The following SLC44A5 variants were observed in gnomAD, a reference collection of about 807,000 sequenced individuals.
SLC44A5 encodes choline transporter-like protein 5.
Under a neutral mutation model 101.8 loss-of-function variants are expected in SLC44A5, and 57 were observed. That is an observed-to-expected ratio of 0.56 (90% CI 0.45 to 0.70). The LOEUF (loss-of-function observed/expected upper bound fraction) is 0.70. SLC44A5 is among the 30% of genes least tolerant of loss of function. The pLI, the probability that SLC44A5 is intolerant of heterozygous loss-of-function variation, is 0.00. For missense variants in SLC44A5, 737 were observed against 853.1 expected, an observed-to-expected ratio of 0.86 and a Z score of 1.70; for synonymous variants, 281 against 290.9, an observed-to-expected ratio of 0.97 and a Z score of 0.35.
At chr1:75,397,502 G>A (rs1375631474) in intron 2 of SLC44A5, among the ~76,000 whole-genome samples, 2 of 152,068 alleles carry the variant, frequency 1.3e-5, no homozygotes, top group Admixed American at 6.6e-5. Context: ...CAGGGAAAGC[G>A]AACATTTGTA....
intron 4 of SLC44A5, among the ~76,000 whole-genome samples, chr1:75,314,720 T>C (rs1655559710): frequency 6.6e-6 from 1 of 152,190 alleles, no homozygotes; most frequent in South Asian, 2.1e-4. Context: ...CCATCCCTGA[T>C]TCTTGATCAT....
intron 2 of SLC44A5, among the ~76,000 whole-genome samples, chr1:75,433,070 T>C (rs1446552936): frequency 6.6e-6 from 1 of 152,152 alleles, no homozygotes; most frequent in African/African-American, 2.4e-5. Context: ...CTTTTTCTTC[T>C]GCTATAGTTT....
chr1:75,584,227 G>A (rs1461090426), intron 1 of SLC44A5, among the ~76,000 whole-genome samples: 4 of 152,204 alleles, frequency 2.6e-5, no homozygotes, highest in African/African-American at 4.8e-5. Context: ...AGTCTATGTG[G>A]AAATGGTGTA....
intron 2 of SLC44A5, among the ~76,000 whole-genome samples, chr1:75,466,439 G>C (rs911263063): frequency 1.3e-5 from 2 of 151,840 alleles, no homozygotes; most frequent in African/African-American, 4.8e-5. Flanking sequence ...GGCGGATCAC[G>C]AGGTCAGGAG....
intron 3 of SLC44A5, among the ~76,000 whole-genome samples, chr1:75,376,398 A>C (rs1660613452): frequency 6.6e-6 from 1 of 152,156 alleles, no homozygotes; most frequent in Admixed American, 6.5e-5. Context: ...ACAGACAAAC[A>C]AAAAGACAGC....
At chr1:75,356,863 A>G (rs1659120710) in intron 3 of SLC44A5, among the ~76,000 whole-genome samples, 1 of 152,220 alleles carries the variant, frequency 6.6e-6, no homozygotes, top group Non-Finnish European at 1.5e-5. Flanking sequence ...AATTGCCTAC[A>G]GTATTCAGTA....
rs553084768 is a variant in SLC44A5 at position 75,367,398 on chromosome 1, G to A, written c.53-27768C>T. Among the ~76,000 whole-genome samples the A allele has an allele frequency of 2.1e-3, 319 of 152,292 alleles. 1 individual carries two copies. Among genetic ancestry groups the A allele is most frequent in the African/African-American group, 2.5e-3 (103 of 41,568 alleles). On this transcript the variant is annotated intron_variant, in intron 3 of 23. Transcript: ENST00000370859. ...TACCTTGGTCAGTAAAGTTGTCATC[G>A]AGACAAGGATCATATGCTTCAGGAT...
intron 5 of SLC44A5, among the ~76,000 whole-genome samples, chr1:75,290,281 G>A (rs917563940): frequency 6.6e-6 from 1 of 152,178 alleles, no homozygotes; most frequent in Admixed American, 6.5e-5. Flanking sequence ...TCGAGGCTGG[G>A]GAGCTGTTTT....
At position 75,203,658 on chromosome 1, in the gene SLC44A5, C is replaced by A; in HGVS notation, c.*69G>T. ...TGCTAAACACAAAGCACTTATGAAACAAATGTTGCACAGACACAGCAGATG... is the reference window on the plus strand; with the variant it reads ...TGCTAAACACAAAGCACTTATGAAAAAAATGTTGCACAGACACAGCAGATG... On this transcript the variant is annotated 3_prime_UTR_variant, in exon 24 of 24. Coordinates refer to ENST00000370859, the MANE Select transcript of SLC44A5 (RefSeq NM_001130058.2). 6.8e-7 allele frequency: 1 copy of A among 1,479,418 alleles called. No homozygotes were observed. Among genetic ancestry groups the A allele is most frequent in the South Asian group, 1.4e-5 (1 of 70,862 alleles). The allele number at this position is 1,479,418 out of a possible 1,614,324, so 91.6% of individuals were successfully genotyped here. A position where few individuals can be genotyped will look rare whatever the true frequency, so the allele number is the denominator to read the frequency against.
chr1:75,263,195 C>T (rs1449504668), intron 6 of SLC44A5, among the ~76,000 whole-genome samples: 2 of 152,140 alleles, frequency 1.3e-5, no homozygotes, highest in African/African-American at 4.8e-5. Flanking sequence ...GAACAAGCAA[C>T]CGACAGAATG....
At chr1:75,668,805 G>A in the SLC44A5 span, among the ~76,000 whole-genome samples, 3 of 151,348 alleles carry the variant, frequency 2.0e-5, no homozygotes, top group Non-Finnish European at 4.4e-5. Flanking sequence ...GACCAGCCTG[G>A]CCAACATGGC....
intron 2 of SLC44A5, among the ~76,000 whole-genome samples, chr1:75,464,693 T>C (rs557773793): frequency 2.0e-5 from 3 of 152,124 alleles, no homozygotes; most frequent in East Asian, 1.9e-4. Flanking sequence ...GGAAAAGATA[T>C]CCCATGCTAT....
the SLC44A5 span, among the ~76,000 whole-genome samples, chr1:75,715,158 T>C: frequency 2.6e-5 from 4 of 151,678 alleles, no homozygotes; most frequent in South Asian, 2.1e-4. Context: ...CACAGAAAAA[T>C]AGAAAAACAT....
intron 13 of SLC44A5, among the ~76,000 whole-genome samples, chr1:75,226,258 A>T (rs1389682563): frequency 1.3e-5 from 2 of 151,588 alleles, no homozygotes; most frequent in African/African-American, 4.8e-5. Flanking sequence ...TTTTTTTTTT[A>T]AGAGAAAAAC....
the SLC44A5 span, among the ~76,000 whole-genome samples, chr1:75,645,565 C>T: frequency 6.6e-6 from 1 of 151,642 alleles, no homozygotes; most frequent in African/African-American, 2.4e-5. Flanking sequence ...AATTTTCTCC[C>T]ATTCTGTAGG....
chr1:75,223,219 A>C (rs1311445322), intron 13 of SLC44A5, among the ~76,000 whole-genome samples: 2 of 152,202 alleles, frequency 1.3e-5, no homozygotes, highest in Non-Finnish European at 2.9e-5. Context: ...GACTCCAAGT[A>C]AACTTTGAAG....
chr1:75,615,824 C>T, upstream of SLC44A5: 2 of 980,228 alleles, frequency 2.0e-6, no homozygotes, highest in East Asian at 1.1e-4. Flanking sequence ...AGAGGGGAGG[C>T]GGCGAGGGGA....
intron 1 of SLC44A5, among the ~76,000 whole-genome samples, chr1:75,555,495 G>A (rs376403054): frequency 1.3e-4 from 20 of 152,226 alleles, no homozygotes; most frequent in East Asian, 5.8e-4. Context: ...TGACTTGAAT[G>A]AATAAGTGGT....
chr1:75,245,394 A>G (rs1483531690), intron 7 of SLC44A5, among the ~76,000 whole-genome samples: 1 of 152,150 alleles, frequency 6.6e-6, no homozygotes, highest in Non-Finnish European at 1.5e-5. Context: ...ATGATTATCA[A>G]TGCAAATGTC....
Sources: allele counts gnomAD v4.1 joint callset (sites outside exome capture counted in the v4.1 genomes callset), GRCh38; gene constraint gnomAD v4.1.1; transcripts MANE v1.5; gene names NCBI Gene and HGNC (gene_info 2026-07-23, HGNC 2026-07-21).